The following MAPK14 variants were observed in gnomAD, a reference collection of about 807,000 sequenced individuals.
The protein encoded by MAPK14 is CSAID-binding protein.
MAPK14 carries 16 observed loss-of-function variants against 49.6 expected under a neutral mutation model. That is an observed-to-expected ratio of 0.32 (90% CI 0.22 to 0.49). The LOEUF (loss-of-function observed/expected upper bound fraction) is 0.49. Ranked by LOEUF, MAPK14 falls within the 20% of genes least tolerant of loss-of-function variation. The probability of loss-of-function intolerance (pLI) is 0.99; values close to 1 mark genes in which losing one functional copy is unlikely to be tolerated. For missense variants in MAPK14, 200 were observed against 441.2 expected, an observed-to-expected ratio of 0.45 and a Z score of 4.90; for synonymous variants, 142 against 158.0, an observed-to-expected ratio of 0.90 and a Z score of 0.76.
At chr6:36,052,895 A>G in intron 2 of MAPK14, 67 bp downstream of exon 2, 1 of 1,435,688 alleles carries the variant, frequency 7.0e-7, no homozygotes, top group Non-Finnish European at 9.6e-7. Context: ...TGTTTTAATT[A>G]CTGCAGATGG....
At position 36,107,951 on chromosome 6, in the gene MAPK14, A is replaced by C. The variant is rs748120276; in HGVS notation, c.1015+323A>C. ...AGTAGAACTGGGGCAAAGAGAATTT[A>C]TGTCTTATCAGTTAACTTAGAACTA... On this transcript the variant is annotated intron_variant, in intron 11 of 11. Transcript: ENST00000229794. The surrounding 1 kb of genome is among the most constrained non-coding windows in gnomAD (Gnocchi z 4.3). Among the ~76,000 whole-genome samples, 2 of 152,206 alleles carry C rather than the reference A, an allele frequency of 1.3e-5. No individual in the cohort carries two copies. Among genetic ancestry groups the C allele is most frequent in the African/African-American group, 4.8e-5 (2 of 41,456 alleles).
intron 8 of MAPK14, among the ~76,000 whole-genome samples, chr6:36,089,688 C>T (rs2127460529): frequency 6.6e-6 from 1 of 152,242 alleles, no homozygotes; most frequent in South Asian, 2.1e-4. Context: ...AAGAATGAAG[C>T]CCTTTCTTAA....
chr6:36,121,573 T>G, the MAPK14 span, among the ~76,000 whole-genome samples: 5 of 152,258 alleles, frequency 3.3e-5, no homozygotes, highest in East Asian at 9.6e-4. Flanking sequence ...AGGATCAGGG[T>G]GGCTTCCCCT....
rs906149135 is a variant in MAPK14 at position 36,028,205 on chromosome 6, A to G, written c.48A>G (p.Thr16=). The G allele has an allele frequency of 6.2e-7, 1 of 1,613,916 alleles. No homozygotes were observed. Among genetic ancestry groups the G allele is most frequent in the Non-Finnish European group, 8.5e-7 (1 of 1,179,836 alleles). The change falls in exon 1 of 12, where the codon ACA becomes ACG. Residue 16 remains threonine, a synonymous_variant. Transcript: ENST00000229794. The surrounding 1 kb of genome is among the most constrained non-coding windows in gnomAD (Gnocchi z 5.1). ...PTFYRQELNK[T]IWEVPERYQN... is the part of the protein sequence containing the mutation. ...TCTACCGGCAGGAGCTGAACAAGACAATCTGGGAGGTGCCCGAGCGTTACC... is the reference window on the plus strand; with the variant it reads ...TCTACCGGCAGGAGCTGAACAAGACGATCTGGGAGGTGCCCGAGCGTTACC...
At chr6:36,070,774 G>C (rs1475678007) in intron 3 of MAPK14, among the ~76,000 whole-genome samples, 11 of 151,996 alleles carry the variant, frequency 7.2e-5, no homozygotes. Context: ...CATTCCTCTT[G>C]GAGGACAGAA....
the MAPK14 span, among the ~76,000 whole-genome samples, chr6:36,122,441 G>T: frequency 2.0e-5 from 3 of 152,246 alleles, no homozygotes; most frequent in Non-Finnish European, 1.5e-5. Context: ...GAGATGCAGC[G>T]ATAACAAGGC....
At chr6:36,071,766 G>C (rs75506619) in intron 3 of MAPK14, among the ~76,000 whole-genome samples, 1,837 of 152,330 alleles carry the variant, frequency 0.012, 46 homozygotes, top group African/African-American at 0.039. Context: ...TAGCCATGCA[G>C]TAAGTTATAC....
chr6:36,114,004 C>G (rs1766018348), downstream of MAPK14, among the ~76,000 whole-genome samples: 1 of 152,180 alleles, frequency 6.6e-6, no homozygotes, highest in Non-Finnish European at 1.5e-5. Flanking sequence ...GGATCTTAAG[C>G]AGGATTTTTC....
At chr6:36,108,300 T>C (rs1274261496) in intron 11 of MAPK14, 80 bp from the exon 12 acceptor site, 8 of 1,043,802 alleles carry the variant, frequency 7.7e-6, no homozygotes, top group Non-Finnish European at 1.5e-6. Context: ...GGAAGGATCT[T>C]GAGCTTAGAA....
Position 36,108,574 on chromosome 6 carries a change from G to C in MAPK14, c.*127G>C, listed in dbSNP as rs200971245. 1 of 515,414 alleles carries C rather than the reference G, an allele frequency of 1.9e-6. No homozygotes were observed. Among genetic ancestry groups the C allele is most frequent in the African/African-American group, 1.9e-5 (1 of 53,294 alleles). 31.9% of individuals were successfully genotyped at this position (515,414 alleles called of 1,614,324 possible). On this transcript the variant is annotated 3_prime_UTR_variant, in exon 12 of 12. Coordinates refer to ENST00000229794, the MANE Select transcript of MAPK14 (RefSeq NM_139012.3). ...TCCTCCATGGTGGAAGGGGGTGTGC[G>C]TGCGTGTGCGTGCGTGTTAGTGTGT...
downstream of MAPK14, among the ~76,000 whole-genome samples, chr6:36,112,188 AGAGT>A (rs1363897754): frequency 2.0e-5 from 3 of 151,084 alleles, no homozygotes; most frequent in South Asian, 4.2e-4. Flanking sequence ...CCTGGGTGAC[AGAGT>A]GAGACTCCGT....
At position 36,028,321 on chromosome 6, in the gene MAPK14, C is replaced by T. The variant is rs1037924584; in HGVS notation, c.116+48C>T. The T allele has an allele frequency of 4.4e-6, 6 of 1,350,444 alleles. No individual in the cohort carries two copies. The highest frequency in any genetic ancestry group is 5.3e-6 in the Non-Finnish European group (5 of 942,786). The allele number at this position is 1,350,444 out of a possible 1,614,324, so 83.7% of individuals were successfully genotyped here. On this transcript the variant is annotated intron_variant, in intron 1 of 11. Transcript: ENST00000229794. This position sits in a 1 kb window ranked among gnomAD's most constrained non-coding sequence, Gnocchi z 5.1. ...CCGCTGTGGGCAGGGTGGCCCCTCG[C>T]GCCCGAGGGCCAGGCCTGCTCCACT...
At chr6:36,060,539 A>G (rs1170904485) in intron 3 of MAPK14, among the ~76,000 whole-genome samples, 1 of 152,150 alleles carries the variant, frequency 6.6e-6, no homozygotes, top group Non-Finnish European at 1.5e-5. Flanking sequence ...GAAGATCGTG[A>G]CTTCTCTTCC....
chr6:36,087,471 A>G (rs1188697300), intron 8 of MAPK14, among the ~76,000 whole-genome samples: 1 of 152,222 alleles, frequency 6.6e-6, no homozygotes, highest in African/African-American at 2.4e-5. Context: ...AATCACAACT[A>G]TTCCTATACA....
rs1337478581 is a variant in MAPK14 at position 36,110,269 on chromosome 6, C to G, written c.*1822C>G. 6.6e-6 allele frequency: 1 copy of G among 152,428 alleles called. No homozygotes were observed. 9.4% of individuals were successfully genotyped at this position (152,428 alleles called of 1,614,324 possible). Reference sequence around the variant, plus strand: ...TGTACTCCAGAGGGACAGGGTGGACCCCCTGAGTCAACTGGAGCAAGAAGG... The same window carrying G: ...TGTACTCCAGAGGGACAGGGTGGACGCCCTGAGTCAACTGGAGCAAGAAGG... On this transcript the variant is annotated 3_prime_UTR_variant, in exon 12 of 12. Coordinates refer to ENST00000229794, the MANE Select transcript of MAPK14 (RefSeq NM_139012.3).
Position 36,107,914 on chromosome 6 carries a change from A to G in MAPK14, c.1015+286A>G, listed in dbSNP as rs899053554. Among the ~76,000 whole-genome samples the G allele has an allele frequency of 6.6e-6, 1 of 152,198 alleles. No homozygotes were observed. Among genetic ancestry groups the G allele is most frequent in the Admixed American group, 6.5e-5 (1 of 15,282 alleles). Reference sequence around the variant, plus strand: ...TTACAACATCTCTCTGAGCTTTTACAGTTTTACAATTAGTAGAACTGGGGC... The same window carrying G: ...TTACAACATCTCTCTGAGCTTTTACGGTTTTACAATTAGTAGAACTGGGGC... On this transcript the variant is annotated intron_variant, in intron 11 of 11. Transcript: ENST00000229794. The surrounding 1 kb of genome is among the most constrained non-coding windows in gnomAD (Gnocchi z 4.3).
chr6:36,043,804 CTTTTTTTT>C (rs796534477), intron 1 of MAPK14, among the ~76,000 whole-genome samples: 3 of 90,392 alleles, frequency 3.3e-5, no homozygotes, highest in African/African-American at 9.1e-5. Context: ...CTTTTTCTTT[CTTTTTTTT>C]TTTTTTTTTT....
At chr6:36,060,736 T>G (rs1312724726) in intron 3 of MAPK14, among the ~76,000 whole-genome samples, 6 of 151,944 alleles carry the variant, frequency 3.9e-5, no homozygotes, top group East Asian at 1.9e-4. Context: ...GAGAAAGAAA[T>G]AAAGAAGATG....
chr6:36,073,730 G>T lies in MAPK14; in HGVS notation c.447+10G>T. 1 of 1,611,582 alleles carries T rather than the reference G, an allele frequency of 6.2e-7. No homozygotes were observed. Among genetic ancestry groups the T allele is most frequent in the Non-Finnish European group, 8.5e-7 (1 of 1,178,946 alleles). ...TGACATAATTCACAGGGTATGTATTGTGACTTTGATTACATTATTTTGGGG... is the reference window on the plus strand; with the variant it reads ...TGACATAATTCACAGGGTATGTATTTTGACTTTGATTACATTATTTTGGGG... On this transcript the variant is annotated intron_variant, in intron 5 of 11. Coordinates refer to ENST00000229794, the MANE Select transcript of MAPK14 (RefSeq NM_139012.3).
Sources: gnomAD v4.1 joint callset for allele counts (sites outside exome capture counted in the v4.1 genomes callset) on GRCh38, gnomAD v4.1.1 for gene constraint, Gnocchi (gnomAD v3.1) non-coding constraint, MANE v1.5 for transcripts, NCBI Gene and HGNC (gene_info 2026-07-23, HGNC 2026-07-21) for gene names.